Variants in ADK observed in about 807,000 individuals in gnomAD.
The protein encoded by ADK is adenosine kinase, also known as N6,N6-dimethyladenosine kinase.
Under a neutral mutation model 44.7 loss-of-function variants are expected in ADK, and 24 were observed. The observed-to-expected ratio is 0.54, with a 90% confidence interval of 0.39 to 0.76. ADK has a LOEUF of 0.76. Among genes scored for constraint, ADK ranks in the 30% least tolerant of loss-of-function variants. The probability of loss-of-function intolerance (pLI) is 0.00; values close to 1 mark genes in which losing one functional copy is unlikely to be tolerated. For synonymous variants in ADK, 128 were observed against 142.6 expected (o/e 0.90, Z 0.73); for missense variants, 321 against 425.1 (o/e 0.76, Z 2.15).
chr10:74,547,450 ATT>A (rs1564785865), intron 7 of ADK, among the ~76,000 whole-genome samples: 85 of 128,614 alleles, frequency 6.6e-4, no homozygotes, highest in African/African-American at 3.0e-3. Flanking sequence ...ATATATATTT[ATT>A]TATTTATTTA....
At chr10:74,639,503 G>A (rs1186725690) in intron 9 of ADK, among the ~76,000 whole-genome samples, 1 of 152,122 alleles carries the variant, frequency 6.6e-6, no homozygotes, top group Admixed American at 6.6e-5. Flanking sequence ...AGGACTTTGA[G>A]TATAAACAAA....
intron 1 of ADK, among the ~76,000 whole-genome samples, chr10:74,181,145 C>A (rs571324790): frequency 1.3e-5 from 2 of 152,210 alleles, no homozygotes; most frequent in East Asian, 3.9e-4. Context: ...CACACAGTTA[C>A]ATATCTTGAA....
Position 74,345,164 on chromosome 10 carries a change from T to C in ADK, c.273+30419T>C, listed in dbSNP as rs574352005. Among the ~76,000 whole-genome samples, 86 of 152,384 alleles carry C rather than the reference T, an allele frequency of 5.6e-4. 1 individual carries two copies. Among genetic ancestry groups the C allele is most frequent in the Non-Finnish European group, 7.6e-4 (52 of 68,036 alleles). On this transcript the variant is annotated intron_variant, in intron 4 of 10. Transcript: ENST00000539909. ...GTCTGTTCAAGTTACCTATTTTTTC[T>C]TGAAATTTTTTTAGTCATTTGTGCC...
chr10:74,541,960 G>C (rs1388995608), intron 7 of ADK, among the ~76,000 whole-genome samples: 1 of 151,898 alleles, frequency 6.6e-6, no homozygotes, highest in Non-Finnish European at 1.5e-5. Context: ...ACTATTTCTG[G>C]CCAGGCATAG....
intron 9 of ADK, among the ~76,000 whole-genome samples, chr10:74,639,654 C>A (rs1032156169): frequency 6.6e-6 from 1 of 152,060 alleles, no homozygotes; most frequent in Non-Finnish European, 1.5e-5. Context: ...CTGGCCAACA[C>A]AATAAAACCC....
At chr10:74,506,494 C>T (rs1848079897) in intron 6 of ADK, 1 of 154,882 alleles carries the variant, frequency 6.5e-6, no homozygotes, top group Non-Finnish European at 1.4e-5. Context: ...CATGAGAGAT[C>T]ACTTTTTATT....
chr10:74,543,165 G>C (rs1270005759), intron 7 of ADK, among the ~76,000 whole-genome samples: 1 of 151,488 alleles, frequency 6.6e-6, no homozygotes, highest in Non-Finnish European at 1.5e-5. Flanking sequence ...CTCCCAAAGT[G>C]CTGGGATTAC....
intron 4 of ADK, among the ~76,000 whole-genome samples, chr10:74,363,661 G>C (rs1218949709): frequency 6.6e-6 from 1 of 152,088 alleles, no homozygotes; most frequent in Non-Finnish European, 1.5e-5. Flanking sequence ...AGCAGGAAAG[G>C]CTGGAGCTGA....
intron 2 of ADK, among the ~76,000 whole-genome samples, chr10:74,207,065 T>C (rs774827681): frequency 6.6e-6 from 1 of 152,120 alleles, no homozygotes; most frequent in Non-Finnish European, 1.5e-5. Flanking sequence ...CTGGCCACTG[T>C]GTACAGCCAC....
chr10:74,565,745 A>C (rs906531011), intron 7 of ADK, among the ~76,000 whole-genome samples: 15 of 151,578 alleles, frequency 9.9e-5, no homozygotes, highest in Non-Finnish European at 2.1e-4. Flanking sequence ...AAAAAAAAAA[A>C]AAAACCATGA....
chr10:74,399,129 A>G (rs1282683915), intron 6 of ADK, among the ~76,000 whole-genome samples: 1 of 151,902 alleles, frequency 6.6e-6, no homozygotes, highest in Non-Finnish European at 1.5e-5. Context: ...CACAAAAATA[A>G]TTGGTTAAGA....
Position 74,420,070 on chromosome 10 carries a change from C to A in ADK, c.555+21491C>A, listed in dbSNP as rs77655492. Among the ~76,000 whole-genome samples the A allele has an allele frequency of 2.4e-3, 370 of 152,224 alleles. 3 individuals carry two copies. Among genetic ancestry groups the A allele is most frequent in the Non-Finnish European group, 3.5e-3 (240 of 67,976 alleles). On this transcript the variant is annotated intron_variant, in intron 6 of 10. Coordinates refer to ENST00000539909, the MANE Select transcript of ADK (RefSeq NM_006721.4). ...GGGAGGAAGCTAAAATCTTAAAGTT[C>A]TTAACTGATGATGATACTGCCAGTA... is the stretch of plus-strand genomic sequence containing the variant.
intron 7 of ADK, among the ~76,000 whole-genome samples, chr10:74,525,909 C>T (rs181171336): frequency 2.3e-4 from 35 of 152,216 alleles, no homozygotes; most frequent in Middle Eastern, 3.4e-3. Flanking sequence ...ATCGCCTCAG[C>T]CTCCCAAAGT....
At chr10:74,685,002 A>G (rs967399691) in intron 10 of ADK, among the ~76,000 whole-genome samples, 4 of 152,228 alleles carry the variant, frequency 2.6e-5, no homozygotes, top group Non-Finnish European at 2.9e-5. Context: ...GCATCAGAGT[A>G]AGGAGTTGCT....
intron 4 of ADK, among the ~76,000 whole-genome samples, chr10:74,361,393 A>T (rs1842332133): frequency 6.6e-6 from 1 of 151,706 alleles, no homozygotes; most frequent in Non-Finnish European, 1.5e-5. Flanking sequence ...ATTGCTTTTT[A>T]TCCATTTTTG....
At chr10:74,581,103 TGAG>T (rs1373957065) in intron 7 of ADK, among the ~76,000 whole-genome samples, 2 of 150,994 alleles carry the variant, frequency 1.3e-5, no homozygotes, top group Admixed American at 6.6e-5. Context: ...CAACCCATAA[TGAG>T]GAGAAATATT....
chr10:74,662,220 G>A (rs567262908), intron 9 of ADK, among the ~76,000 whole-genome samples: 1 of 152,196 alleles, frequency 6.6e-6, no homozygotes, highest in South Asian at 2.1e-4. Flanking sequence ...GGTAAGTAGC[G>A]TTATTGACCC....
chr10:74,600,646 T>A (rs1044077012), intron 9 of ADK, among the ~76,000 whole-genome samples, 153 bp downstream of exon 9: 1 of 151,508 alleles, frequency 6.6e-6, no homozygotes, highest in African/African-American at 2.4e-5. Flanking sequence ...TTCTACCCTG[T>A]ATCTCAGTAG....
At chr10:74,567,906 A>G (rs2133840905) in intron 7 of ADK, among the ~76,000 whole-genome samples, 1 of 151,902 alleles carries the variant, frequency 6.6e-6, no homozygotes, top group East Asian at 1.9e-4. Flanking sequence ...TCACCGAGTT[A>G]GCCAGGATGG....
Sources: allele counts gnomAD v4.1 joint callset (sites outside exome capture counted in the v4.1 genomes callset), GRCh38; gene constraint gnomAD v4.1.1; transcripts MANE v1.5; gene names NCBI Gene and HGNC (gene_info 2026-07-23, HGNC 2026-07-21).